Variants in IKZF1 observed in about 807,000 individuals in gnomAD.
The protein encoded by IKZF1 is DNA-binding protein Ikaros.
In IKZF1, 10 loss-of-function variants were observed where a neutral mutation model predicts 51.7. The observed-to-expected ratio is 0.19, with a 90% CI of 0.12 to 0.33. The LOEUF is 0.33. Among genes scored for constraint, IKZF1 ranks in the 10% least tolerant of loss-of-function variants. The pLI, the probability that IKZF1 is intolerant of heterozygous loss-of-function variation, is 1.00. For synonymous variants in IKZF1, 280 were observed against 282.3 expected (o/e 0.99, Z 0.08); for missense variants, 484 against 707.5 (o/e 0.68, Z 3.58).
intron 2 of IKZF1, 80 bp downstream of exon 2, chr7:50,319,181 C>T: frequency 8.4e-7 from 1 of 1,190,262 alleles, no homozygotes; most frequent in Non-Finnish European, 1.2e-6. Context: ...GCTTGGTATG[C>T]TCATGGGGGA....
chr7:50,391,690 T>A (rs1406226945), intron 6 of IKZF1, 39 bp from the exon 7 acceptor site: 3 of 1,611,666 alleles, frequency 1.9e-6, no homozygotes, highest in Non-Finnish European at 1.7e-6. Flanking sequence ...CCTTTAAACA[T>A]AAGCCTTTCT....
At position 50,403,906 on chromosome 7, in the gene IKZF1, A is replaced by G. The variant is rs1322857150; in HGVS notation, c.*3279A>G. ...AACGCGAGATGAACTGGACTTATGT[A>G]GACAAATCGTGATGCCAGTGTATCC... On this transcript the variant is annotated 3_prime_UTR_variant, in exon 8 of 8. Transcript: ENST00000331340. 2.3e-5 allele frequency: 5 copies of G among 218,072 alleles called. No individual in the cohort carries two copies. In the East Asian group the frequency reaches 2.7e-4, roughly 12 times the overall value. 13.5% of individuals were successfully genotyped at this position (218,072 alleles called of 1,614,324 possible). A position where few individuals can be genotyped will look rare whatever the true frequency, so the allele number is the denominator to read the frequency against.
chr7:50,386,052 T>A (rs1813298051), intron 5 of IKZF1, among the ~76,000 whole-genome samples: 2 of 152,218 alleles, frequency 1.3e-5, no homozygotes, highest in African/African-American at 4.8e-5. Context: ...TACAATACTT[T>A]GAAATGTGTT....
At chr7:50,335,303 G>A (rs954479564) in intron 3 of IKZF1, among the ~76,000 whole-genome samples, 1 of 147,820 alleles carries the variant, frequency 6.8e-6, no homozygotes, top group African/African-American at 2.5e-5. Context: ...TATGTGTATG[G>A]GATGTGTGGT....
intron 3 of IKZF1, among the ~76,000 whole-genome samples, chr7:50,357,032 C>T (rs1369227920): frequency 6.6e-6 from 1 of 152,020 alleles, no homozygotes; most frequent in Non-Finnish European, 1.5e-5. Flanking sequence ...ACTGCCGACT[C>T]ACCGGGCTTC....
chr7:50,381,854 TCA>T (rs1444424899), intron 4 of IKZF1, among the ~76,000 whole-genome samples: 4 of 152,244 alleles, frequency 2.6e-5, no homozygotes, highest in Non-Finnish European at 2.9e-5. Flanking sequence ...GAGGCTTCCT[TCA>T]CAGTTTCTTA....
chr7:50,354,965 C>T (rs367843277), intron 3 of IKZF1, among the ~76,000 whole-genome samples: 3 of 152,104 alleles, frequency 2.0e-5, no homozygotes, highest in East Asian at 1.9e-4. Context: ...ATACATAATG[C>T]GTGGCAATGC....
At chr7:50,319,445 A>G (rs1428601376) in intron 2 of IKZF1, among the ~76,000 whole-genome samples, 6 of 152,176 alleles carry the variant, frequency 3.9e-5, no homozygotes, top group African/African-American at 1.4e-4. Flanking sequence ...GAGAGAGAGA[A>G]GCTTGAAAAA....
intron 3 of IKZF1, among the ~76,000 whole-genome samples, chr7:50,370,637 C>T (rs1808384676): frequency 6.6e-6 from 1 of 152,214 alleles, no homozygotes; most frequent in Non-Finnish European, 1.5e-5. Context: ...AGTTTGAAAA[C>T]ATCCACTCTT....
chr7:50,343,036 T>C (rs890689168), intron 3 of IKZF1, among the ~76,000 whole-genome samples: 4 of 151,986 alleles, frequency 2.6e-5, no homozygotes, highest in Non-Finnish European at 5.9e-5. Context: ...TCTTCCTTCC[T>C]TCCTTTCTTC....
Position 50,346,775 on chromosome 7 carries a change from T to C in IKZF1, c.160+19018T>C, listed in dbSNP as rs1800484839. ...CCAAAGCTAACTGTGTAATTTCACA[T>C]GACTCACTGCCGTTAGTCTGAGAAA... On this transcript the variant is annotated intron_variant, in intron 3 of 7. Transcript: ENST00000331340. Among the ~76,000 whole-genome samples, 4 of 152,252 alleles carry C rather than the reference T, an allele frequency of 2.6e-5. No individual in the cohort carries two copies. The South Asian group carries it at 8.3e-4, about 31-fold the overall frequency.
chr7:50,376,859 G>T lies in IKZF1; in HGVS notation c.421+66G>T, dbSNP rs1584888894. ...GGTGCATGGGGTTTGAAGGAGGAAA[G>T]CATCCTGTCTTCCTTGTGTTCTGAG... On this transcript the variant is annotated intron_variant, in intron 4 of 7. Transcript: ENST00000331340. The surrounding 1 kb of genome is among the most constrained non-coding windows in gnomAD (Gnocchi z 4.5). 14 of 1,581,860 alleles carry T rather than the reference G, an allele frequency of 8.9e-6. No homozygotes were observed. The highest frequency in any genetic ancestry group is 3.5e-5 in the South Asian group (3 of 85,830).
At chr7:50,356,867 G>A (rs1394590597) in intron 3 of IKZF1, among the ~76,000 whole-genome samples, 1 of 151,998 alleles carries the variant, frequency 6.6e-6, no homozygotes, top group Non-Finnish European at 1.5e-5. Flanking sequence ...AGACCAGGGT[G>A]GGACGGTGTC....
At chr7:50,312,696 C>T (rs561845938) in intron 1 of IKZF1, among the ~76,000 whole-genome samples, 1 of 152,268 alleles carries the variant, frequency 6.6e-6, no homozygotes, top group Admixed American at 6.5e-5. Context: ...TCCTTAGTTC[C>T]CTTTGACCCT....
intron 3 of IKZF1, among the ~76,000 whole-genome samples, chr7:50,340,382 A>G (rs1248445585): frequency 6.6e-6 from 1 of 152,234 alleles, no homozygotes; most frequent in East Asian, 1.9e-4. Context: ...TGAAATCACC[A>G]GGAGATGATT....
chr7:50,354,604 G>A (rs1482560314), intron 3 of IKZF1, among the ~76,000 whole-genome samples: 1 of 152,224 alleles, frequency 6.6e-6, no homozygotes, highest in African/African-American at 2.4e-5. Flanking sequence ...AAAAAGTCAA[G>A]GTTGAGAGAT....
chr7:50,321,105 G>C (rs992855738), intron 2 of IKZF1, among the ~76,000 whole-genome samples: 4 of 152,168 alleles, frequency 2.6e-5, no homozygotes, highest in African/African-American at 9.7e-5. Flanking sequence ...TAACGTTTAG[G>C]AAAATTCTTG....
chr7:50,370,128 G>C (rs565747858), intron 3 of IKZF1, among the ~76,000 whole-genome samples: 3 of 152,000 alleles, frequency 2.0e-5, no homozygotes, highest in Non-Finnish European at 4.4e-5. Context: ...GAATATTTCT[G>C]TACCATTTTT....
chr7:50,316,792 C>T (rs1791673437), intron 1 of IKZF1, among the ~76,000 whole-genome samples: 1 of 152,254 alleles, frequency 6.6e-6, no homozygotes, highest in Non-Finnish European at 1.5e-5. Context: ...AGCCCGCATT[C>T]CACTGGAAGG....
Sources: allele counts gnomAD v4.1 joint callset (sites outside exome capture counted in the v4.1 genomes callset), GRCh38; gene constraint gnomAD v4.1.1; non-coding constraint Gnocchi (gnomAD v3.1); transcripts MANE v1.5; gene names NCBI Gene and HGNC (gene_info 2026-07-23, HGNC 2026-07-21).